The following POLN variants were observed in gnomAD, a reference collection of about 807,000 sequenced individuals.
POLN encodes the protein DNA polymerase nu, also known as DNA polymerase N.
A neutral mutation model predicts 113.5 loss-of-function variants in POLN; 108 were observed. The ratio of observed to expected loss-of-function variants is 0.95; its 90% CI spans 0.81 to 1.12. POLN has a LOEUF of 1.12. Ranked by LOEUF, POLN falls within the 50% of genes most tolerant of loss-of-function variation. POLN has a pLI of 0.00. For missense variants in POLN, 1,097 were observed against 1,077.1 expected, an observed-to-expected ratio of 1.02 and a Z score of -0.26; for synonymous variants, 386 against 391.5, an observed-to-expected ratio of 0.99 and a Z score of 0.17.
chr4:2,095,148 A>G (rs1389096973), intron 20 of POLN, among the ~76,000 whole-genome samples: 1 of 150,256 alleles, frequency 6.7e-6, no homozygotes, highest in African/African-American at 2.4e-5. Context: ...GGTGAGTGGA[A>G]GAGAGTAGAA....
At position 2,128,288 on chromosome 4, in the gene POLN, C is replaced by T. The variant is rs116545569; in HGVS notation, c.1868-61G>A. 2,211 of 1,061,472 alleles carry T rather than the reference C, an allele frequency of 2.1e-3. 32 individuals are homozygous for T. In the African/African-American group the frequency reaches 0.026, roughly 13 times the overall value. 65.8% of individuals were successfully genotyped at this position (1,061,472 alleles called of 1,614,324 possible). On this transcript the variant is annotated intron_variant, in intron 18 of 25. Transcript: ENST00000511885. ...CCAGCAATGTTCCTCGTGTTTGCTG[C>T]GCACCCCGGCCACCCTCAGACTCTC...
At chr4:2,187,236 T>A (rs948707962) in intron 7 of POLN, among the ~76,000 whole-genome samples, 3 of 139,068 alleles carry the variant, frequency 2.2e-5, no homozygotes, top group African/African-American at 9.6e-5. Flanking sequence ...AATTTTTTGT[T>A]TGTTTGTTTT....
rs140604908 is a variant in POLN at position 2,167,949 on chromosome 4, C to T, written c.1554+2730G>A. On this transcript the variant is annotated intron_variant, in intron 13 of 25. Coordinates refer to ENST00000511885, the MANE Select transcript of POLN (RefSeq NM_181808.4). ...CAATAACAAAAACTATCTGGGAATC[C>T]CCCACACATTTGGAAATGTTAAGAC... Among the ~76,000 whole-genome samples, 563 of 152,032 alleles carry T rather than the reference C, an allele frequency of 3.7e-3. 6 individuals are homozygous for T. Among genetic ancestry groups the T allele is most frequent in the African/African-American group, 0.013 (542 of 41,428 alleles).
rs775012146 is a variant in POLN at position 2,229,137 on chromosome 4, T to A, written c.95A>T (p.Asp32Val). Residue 32 changes from aspartate (D) to valine (V), a missense_variant, in exon 3 of 26, where the codon GAT becomes GTT. Asp to Val is a radical substitution (Grantham distance 152). Transcript: ENST00000511885. ...TCCCCAAGTCTTAGAATCCACTAAA[T>A]CACCTGAATGCATAGCAGACATAAT... ...QKIMSAMHSG[D>V]LVDSKTWGKS... The A allele has an allele frequency of 3.1e-6, 5 of 1,610,740 alleles. No individual in the cohort carries two copies. In the African/African-American group the frequency reaches 5.3e-5, roughly 17 times the overall value.
At chr4:2,224,984 A>G (rs962262379) in intron 3 of POLN, among the ~76,000 whole-genome samples, 2 of 152,098 alleles carry the variant, frequency 1.3e-5, no homozygotes, top group Non-Finnish European at 2.9e-5. Flanking sequence ...TTGTGCTATG[A>G]TAACAGTACA....
rs1466872880 is a variant in POLN, at chr4:2,198,641, G to A, written c.791C>T (p.Ala264Val). Residue 264 changes from alanine (A) to valine (V), a missense_variant, in exon 6 of 26, where the codon GCC becomes GTC. Coordinates refer to ENST00000511885, the MANE Select transcript of POLN (RefSeq NM_181808.4). ...QAEGGHGCPD[A>V]PACGPVLEGF... is the part of the protein sequence containing the mutation. ...CTCCAGAACAGGACCACAGGCCGGG[G>A]CATCTGGACAGCCATGGCCACCCTC... The A allele has an allele frequency of 1.9e-6, 3 of 1,613,714 alleles. No homozygotes were observed. Among genetic ancestry groups the A allele is most frequent in the Non-Finnish European group, 2.5e-6 (3 of 1,179,938 alleles).
intron 23 of POLN, among the ~76,000 whole-genome samples, chr4:2,077,562 C>T (rs1278795193): frequency 6.6e-6 from 1 of 152,260 alleles, no homozygotes; most frequent in Non-Finnish European, 1.5e-5. Flanking sequence ...CACCAGCAAG[C>T]TTGTCTTCAA....
intron 7 of POLN, among the ~76,000 whole-genome samples, chr4:2,190,643 A>C (rs138816088): frequency 3.1e-4 from 47 of 152,366 alleles, no homozygotes; most frequent in African/African-American, 1.0e-3. Flanking sequence ...TAGTGGATTA[A>C]CAACCAGGAT....
intron 3 of POLN, chr4:2,228,351 T>C: frequency 5.0e-6 from 1 of 201,774 alleles, no homozygotes; most frequent in Non-Finnish European, 9.9e-6. Context: ...GCTTTCACTT[T>C]TTTTTTTTTT....
chr4:2,119,724 G>A (rs1731398614), intron 19 of POLN, among the ~76,000 whole-genome samples: 1 of 152,124 alleles, frequency 6.6e-6, no homozygotes, highest in East Asian at 1.9e-4. Context: ...TTTTAAGAGT[G>A]TATTTGATCT....
At position 2,188,624 on chromosome 4, in the gene POLN, CAAAACAAAACAAAAA is replaced by C. The variant is rs369212261; in HGVS notation, c.1021+4565_1021+4579del. 1.1e-4 allele frequency among the ~76,000 whole-genome samples: 10 copies of C among 90,956 alleles called. No individual in the cohort carries two copies. The East Asian group carries it at 1.5e-3, about 14-fold the overall frequency. 59.7% of individuals were successfully genotyped at this position (90,956 alleles called of 152,430 possible). A position where few individuals can be genotyped will look rare whatever the true frequency, so the allele number is the denominator to read the frequency against. On this transcript the variant is annotated intron_variant, in intron 7 of 25. Coordinates refer to ENST00000511885, the MANE Select transcript of POLN (RefSeq NM_181808.4). ...TCAAAAAAAACAAAAAACAAAAAAA[CAAAACAAAACAAAAA>C]AAAACCACGAACATACAAAAAGAAA...
At chr4:2,095,761 A>G in intron 20 of POLN, 90 bp downstream of exon 20, 1 of 1,212,990 alleles carries the variant, frequency 8.2e-7, no homozygotes, top group Non-Finnish European at 1.2e-6. Context: ...CTCACAGACG[A>G]TTTCTGAGGC....
chr4:2,195,455 TTC>T (rs949135217), intron 6 of POLN, among the ~76,000 whole-genome samples: 4 of 129,420 alleles, frequency 3.1e-5, no homozygotes, highest in Admixed American at 1.4e-4. Flanking sequence ...GATAAGGTAA[TTC>T]TGTTTTTTTT....
At chr4:2,084,664 G>C (rs954875463) in intron 21 of POLN, among the ~76,000 whole-genome samples, 9 of 152,226 alleles carry the variant, frequency 5.9e-5, no homozygotes, top group African/African-American at 2.2e-4. Context: ...AGTCATCAAC[G>C]AGTCACTGGG....
chr4:2,136,135 G>C (rs1254178257), intron 16 of POLN, among the ~76,000 whole-genome samples: 1 of 152,204 alleles, frequency 6.6e-6, no homozygotes, highest in African/African-American at 2.4e-5. Flanking sequence ...CCAGGGGGCG[G>C]AGACCATGCC....
intron 3 of POLN, among the ~76,000 whole-genome samples, chr4:2,214,878 CATATACACATACATATACATATATAT>C: frequency 6.7e-6 from 1 of 149,984 alleles, no homozygotes; most frequent in South Asian, 2.1e-4. Context: ...TACACACACA[CATATACACATACATATACATATATAT>C]GTATATACAT....
intron 2 of POLN, among the ~76,000 whole-genome samples, chr4:2,239,835 A>G (rs1328597579): frequency 6.6e-6 from 1 of 152,254 alleles, no homozygotes; most frequent in Non-Finnish European, 1.5e-5. Context: ...GGTAGAGATT[A>G]TAATTACTAT....
At chr4:2,096,354 G>A (rs1560985578) in intron 19 of POLN, among the ~76,000 whole-genome samples, 1 of 152,164 alleles carries the variant, frequency 6.6e-6, no homozygotes, top group Non-Finnish European at 1.5e-5. Context: ...GAACAACTCT[G>A]TCCTGGCCTC....
chr4:2,198,610 A>G lies in POLN; in HGVS notation c.822T>C (p.Phe274=). 1.2e-6 allele frequency: 2 copies of G among 1,613,994 alleles called. No homozygotes were observed. The highest frequency in any genetic ancestry group is 1.7e-6 in the Non-Finnish European group (2 of 1,180,004). The change falls in exon 6 of 26, where the codon TTT becomes TTC. Residue 274 remains phenylalanine (F), a synonymous_variant. Transcript: ENST00000511885. ...APACGPVLEG[F]VSDDPCIYIQ... The stretch of plus-strand genomic sequence containing the variant: ...TGTAGATGCATGGATCATCTGACAC[A>G]AAGCCCTCCAGAACAGGACCACAGG...
Sources: gnomAD v4.1 joint callset for allele counts (sites outside exome capture counted in the v4.1 genomes callset) on GRCh38, gnomAD v4.1.1 for gene constraint, MANE v1.5 for transcripts, NCBI Gene and HGNC (gene_info 2026-07-23, HGNC 2026-07-21) for gene names.